The following SV2B variants were observed in gnomAD, a reference collection of about 807,000 sequenced individuals.
SV2B encodes solute carrier family 22 member B2.
SV2B carries 41 observed loss-of-function variants against 73.9 expected under a neutral mutation model. The ratio of observed to expected loss-of-function variants is 0.56; its 90% confidence interval spans 0.43 to 0.72. The LOEUF is 0.72. Ranked by LOEUF, SV2B falls within the 30% of genes least tolerant of loss-of-function variation. SV2B has a pLI of 0.00. For synonymous variants in SV2B, 314 were observed against 314.2 expected (o/e 1.00, Z 0.01); for missense variants, 764 against 857.8 (o/e 0.89, Z 1.37).
At chr15:91,235,085 T>G (rs184412286) in intron 2 of SV2B, among the ~76,000 whole-genome samples, 89 of 152,312 alleles carry the variant, frequency 5.8e-4, no homozygotes, top group Non-Finnish European at 1.0e-3. Context: ...ATCACCACAT[T>G]GGTGAAGAAA....
intron 1 of SV2B, among the ~76,000 whole-genome samples, chr15:91,210,732 G>A (rs1421866610): frequency 6.6e-6 from 1 of 152,210 alleles, no homozygotes; most frequent in Non-Finnish European, 1.5e-5. Flanking sequence ...CATCTCCTCA[G>A]TTTCATGCCA....
chr15:91,154,705 C>T (rs149793104), intron 1 of SV2B, among the ~76,000 whole-genome samples: 10 of 152,146 alleles, frequency 6.6e-5, no homozygotes, highest in Non-Finnish European at 7.4e-5. Flanking sequence ...AAGATGGCCA[C>T]GTGATGACAG....
chr15:91,111,754 T>C (rs1421753620), intron 1 of SV2B, among the ~76,000 whole-genome samples: 1 of 152,180 alleles, frequency 6.6e-6, no homozygotes, highest in Non-Finnish European at 1.5e-5. Context: ...CTCATGGTTC[T>C]GCAGGCTACA....
chr15:91,177,341 G>C (rs1011041073), intron 1 of SV2B, among the ~76,000 whole-genome samples: 1 of 151,804 alleles, frequency 6.6e-6, no homozygotes, highest in Non-Finnish European at 1.5e-5. Flanking sequence ...CTCCAGCTTT[G>C]TTCTTTTGGC....
In SV2B at chr15:91,243,460, A is replaced by G. The variant is rs192127695; in HGVS notation, c.452-8359A>G. ...TTTTAGCCTGAGAGAAGATTAAGGAAAGTGACAGATACCCCTCTGCCCCAA... is the reference window on the plus strand; with the variant it reads ...TTTTAGCCTGAGAGAAGATTAAGGAGAGTGACAGATACCCCTCTGCCCCAA... On this transcript the variant is annotated intron_variant, in intron 2 of 12. Transcript: ENST00000394232. Among the ~76,000 whole-genome samples the G allele has an allele frequency of 9.7e-4, 147 of 152,292 alleles. 1 individual carries two copies. Among genetic ancestry groups the G allele is most frequent in the African/African-American group, 3.5e-3 (144 of 41,562 alleles).
intron 9 of SV2B, among the ~76,000 whole-genome samples, chr15:91,277,444 A>G (rs540021326): frequency 1.3e-5 from 2 of 152,354 alleles, no homozygotes; most frequent in East Asian, 3.9e-4. Context: ...AAGATACAGG[A>G]CAATTCCATT....
intron 1 of SV2B, among the ~76,000 whole-genome samples, chr15:91,131,393 G>C (rs1596454714): frequency 6.6e-6 from 1 of 151,434 alleles, no homozygotes; most frequent in Admixed American, 6.6e-5. Context: ...TATTGGGGGG[G>C]GTTGGGCAGA....
At chr15:91,259,126 A>G (rs970077717) in intron 5 of SV2B, among the ~76,000 whole-genome samples, 1 of 151,784 alleles carries the variant, frequency 6.6e-6, no homozygotes, top group Non-Finnish European at 1.5e-5. Flanking sequence ...AAATAAATAA[A>G]TAAATAAAGG....
In SV2B at chr15:91,298,039, G is replaced by A. The variant is rs927659244; in HGVS notation, c.*5487G>A. 3.9e-5 allele frequency: 6 copies of A among 152,064 alleles called. No individual in the cohort carries two copies. Among genetic ancestry groups the A allele is most frequent in the African/African-American group, 1.2e-4 (5 of 41,386 alleles). The allele number at this position is 152,064 out of a possible 1,614,324, so 9.4% of individuals were successfully genotyped here. The stretch of plus-strand genomic sequence containing the variant: ...CTCTGATTCTATAAGCTTCCCCCTA[G>A]CTAGGGATGCACGGGGGTGATCAAG... On this transcript the variant is annotated 3_prime_UTR_variant, in exon 13 of 13. Transcript: ENST00000394232. This position sits in a 1 kb window ranked among gnomAD's most constrained non-coding sequence, Gnocchi z 5.4.
At position 91,300,695 on chromosome 15, in the gene SV2B, CA is replaced by C. The variant is rs1181746984; in HGVS notation, c.*8147del. 6.6e-6 allele frequency: 1 copy of C among 152,180 alleles called. No homozygotes were observed. The highest frequency in any genetic ancestry group is 1.5e-5 in the Non-Finnish European group (1 of 68,052). 9.4% of individuals were successfully genotyped at this position (152,180 alleles called of 1,614,324 possible). On this transcript the variant is annotated 3_prime_UTR_variant, in exon 13 of 13. Transcript: ENST00000394232. Reference sequence around the variant, plus strand: ...CGAATCATTCCCACAGCAACTGCTACAAAAGTGACTATCTTAATCCTTTGGC... The same window carrying C: ...CGAATCATTCCCACAGCAACTGCTACAAAGTGACTATCTTAATCCTTTGGC...
Position 91,137,803 on chromosome 15 carries a change from T to C in SV2B, c.-392+37440T>C, listed in dbSNP as rs1310943892. ...TGGTGCTCAGAATAGAACACCTCAC[T>C]GGTCACTTTTGGAAGATACTAGGAA... is the stretch of plus-strand genomic sequence containing the variant. On this transcript the variant is annotated intron_variant, in intron 1 of 12. Transcript: ENST00000394232. The surrounding 1 kb of genome is among the most constrained non-coding windows in gnomAD (Gnocchi z 4.9). 2.0e-5 allele frequency among the ~76,000 whole-genome samples: 3 copies of C among 151,938 alleles called. No individual in the cohort carries two copies. Among genetic ancestry groups the C allele is most frequent in the Non-Finnish European group, 2.9e-5 (2 of 67,998 alleles).
At chr15:91,179,280 T>C (rs1350340699) in intron 1 of SV2B, among the ~76,000 whole-genome samples, 3 of 152,218 alleles carry the variant, frequency 2.0e-5, no homozygotes, top group Admixed American at 6.5e-5. Flanking sequence ...ATTTCTGTTC[T>C]TTTACATTTG....
At chr15:91,162,134 G>A (rs184445243) in intron 1 of SV2B, among the ~76,000 whole-genome samples, 14 of 152,170 alleles carry the variant, frequency 9.2e-5, no homozygotes, top group African/African-American at 3.1e-4. Flanking sequence ...TGAGCAGTCT[G>A]TTTAGAGGAG....
At chr15:91,190,468 C>T (rs982492720) in intron 1 of SV2B, among the ~76,000 whole-genome samples, 1 of 152,046 alleles carries the variant, frequency 6.6e-6, no homozygotes, top group Non-Finnish European at 1.5e-5. Flanking sequence ...GGAAAATTCC[C>T]CCATTCAGCA....
chr15:91,261,567 TAGGAGTAGAC>T lies in SV2B; in HGVS notation c.1008+1159_1008+1168del, dbSNP rs1157702823. On this transcript the variant is annotated intron_variant, in intron 6 of 12. Coordinates refer to ENST00000394232, the MANE Select transcript of SV2B (RefSeq NM_001323032.3). This position sits in a 1 kb window ranked among gnomAD's most constrained non-coding sequence, Gnocchi z 4.7. ...TCATGTCCTAGGATTGTTTTATTTC[TAGGAGTAGAC>T]TCCTAGAAATAAAAGTGCTGGCTCA... is the stretch of plus-strand genomic sequence containing the variant. Among the ~76,000 whole-genome samples, 5 of 152,162 alleles carry T rather than the reference TAGGAGTAGAC, an allele frequency of 3.3e-5. No homozygotes were observed. The South Asian group carries it at 6.2e-4, about 19-fold the overall frequency.
At chr15:91,168,732 A>G (rs1353433054) in intron 1 of SV2B, among the ~76,000 whole-genome samples, 1 of 152,204 alleles carries the variant, frequency 6.6e-6, no homozygotes, top group Non-Finnish European at 1.5e-5. Context: ...CCACCCCAGC[A>G]TGCCTGCTAT....
At chr15:91,172,185 A>G (rs1393823071) in intron 1 of SV2B, among the ~76,000 whole-genome samples, 1 of 152,232 alleles carries the variant, frequency 6.6e-6, no homozygotes, top group East Asian at 1.9e-4. Flanking sequence ...CGGCCTGGCC[A>G]CAGCCTATCT....
At chr15:91,233,831 G>A (rs115544177) in intron 2 of SV2B, among the ~76,000 whole-genome samples, 1 of 152,176 alleles carries the variant, frequency 6.6e-6, no homozygotes, top group Non-Finnish European at 1.5e-5. Flanking sequence ...CCTGTAACTA[G>A]AGTCAAGTCC....
At chr15:91,178,623 G>C (rs1208090964) in intron 1 of SV2B, among the ~76,000 whole-genome samples, 1 of 152,066 alleles carries the variant, frequency 6.6e-6, no homozygotes, top group Admixed American at 6.5e-5. Context: ...AGTCTTGGGA[G>C]AGTGTGTGTG....
Sources: gnomAD v4.1 joint callset for allele counts (sites outside exome capture counted in the v4.1 genomes callset) on GRCh38, gnomAD v4.1.1 for gene constraint, Gnocchi (gnomAD v3.1) non-coding constraint, MANE v1.5 for transcripts, NCBI Gene and HGNC (gene_info 2026-07-23, HGNC 2026-07-21) for gene names.